SLC5A10: variants seen among roughly 807,000 people sequenced by gnomAD.
SLC5A10 encodes sodium/mannose cotransporter SLC5A10.
SLC5A10 carries 55 observed loss-of-function variants against 68.9 expected under a neutral mutation model. The observed-to-expected ratio is 0.80, with a 90% CI of 0.64 to 1.00. The LOEUF (loss-of-function observed/expected upper bound fraction) is 1.00, where lower values mean the gene tolerates loss of function less well. Ranked by LOEUF, SLC5A10 falls within the 50% of genes least tolerant of loss-of-function variation. The probability of loss-of-function intolerance (pLI) is 0.00; values close to 1 mark genes in which losing one functional copy is unlikely to be tolerated. For synonymous variants in SLC5A10, 344 were observed against 344.8 expected (o/e 1.00, Z 0.02); for missense variants, 732 against 819.3 (o/e 0.89, Z 1.30).
At chr17:19,011,216 T>G (rs2152150605) in intron 9 of SLC5A10, among the ~76,000 whole-genome samples, 1 of 152,324 alleles carries the variant, frequency 6.6e-6, no homozygotes, top group Middle Eastern at 3.4e-3. Flanking sequence ...AAGCTGCTAC[T>G]GCCTTGGGGG....
chr17:18,988,336 C>A, intron 9 of SLC5A10: 1 of 1,614,242 alleles, frequency 6.2e-7, no homozygotes. Context: ...TACACGGCCA[C>A]TTTCCTCTTG....
Position 19,006,086 on chromosome 17 carries a change from C to G in SLC5A10, c.983-7324C>G, listed in dbSNP as rs139243673. On this transcript the variant is annotated intron_variant, in intron 9 of 14. Coordinates refer to ENST00000395645, the MANE Select transcript of SLC5A10 (RefSeq NM_001042450.4). Reference sequence around the variant, plus strand: ...GGCCTCACTCCCACCTCCACCACCCCAACACTTCTGCAGTTGATGAGCAGG... The same window carrying G: ...GGCCTCACTCCCACCTCCACCACCCGAACACTTCTGCAGTTGATGAGCAGG... Among the ~76,000 whole-genome samples, 848 of 152,300 alleles carry G rather than the reference C, an allele frequency of 5.6e-3. 27 individuals carry two copies. Among genetic ancestry groups the G allele is most frequent in the Admixed American group, 0.045 (689 of 15,294 alleles).
upstream of SLC5A10, among the ~76,000 whole-genome samples, chr17:18,951,261 G>A (rs114032873): frequency 4.5e-3 from 684 of 152,358 alleles, 7 homozygotes; most frequent in African/African-American, 0.016. Flanking sequence ...CCACTCTGAT[G>A]GAATCCAGAT....
chr17:18,965,080 GT>G (rs11305580), intron 5 of SLC5A10, among the ~76,000 whole-genome samples: 76,707 of 144,042 alleles, frequency 0.53, 20,155 homozygotes, highest in African/African-American at 0.58. Context: ...GGAGGCAGAG[GT>G]TTTTTTAAAA....
chr17:18,977,565 T>A, intron 9 of SLC5A10: 1 of 1,601,178 alleles, frequency 6.2e-7, no homozygotes, highest in Non-Finnish European at 8.5e-7. Context: ...ACCCCTGGTG[T>A]GCAGGGACCC....
intron 5 of SLC5A10, among the ~76,000 whole-genome samples, chr17:18,964,356 TG>T (rs2042670137): frequency 6.6e-6 from 1 of 152,160 alleles, no homozygotes; most frequent in Non-Finnish European, 1.5e-5. Context: ...ACTCTGCCCC[TG>T]GGGCCCGAAA....
chr17:18,993,344 G>T (rs1248003738), intron 9 of SLC5A10, among the ~76,000 whole-genome samples: 1 of 152,150 alleles, frequency 6.6e-6, no homozygotes, highest in Non-Finnish European at 1.5e-5. Context: ...CGTCACTCTG[G>T]CCTGTCTGGG....
chr17:19,009,317 G>A (rs576465612), intron 9 of SLC5A10, among the ~76,000 whole-genome samples: 163 of 152,156 alleles, frequency 1.1e-3, no homozygotes, highest in Admixed American at 4.0e-3. Flanking sequence ...TCAGCCTCCC[G>A]AATAGCTGAG....
rs2043829966 is a variant in SLC5A10 at position 19,004,641 on chromosome 17, A to G, written c.983-8769A>G. 6.6e-6 allele frequency: 1 copy of G among 150,672 alleles called. No homozygotes were observed. Among genetic ancestry groups the G allele is most frequent in the African/African-American group, 2.4e-5 (1 of 41,130 alleles). 9.3% of individuals were successfully genotyped at this position (150,672 alleles called of 1,614,324 possible). A position where few individuals can be genotyped will look rare whatever the true frequency, so the allele number is the denominator to read the frequency against. ...TGGGAGGGGTCCAGGAGACCCAGAA[A>G]CGCGGTTGCGGGGCGGCGACGCCCC... On this transcript the variant is annotated intron_variant, in intron 9 of 14. Transcript: ENST00000395645. This position sits in a 1 kb window ranked among gnomAD's most constrained non-coding sequence, Gnocchi z 5.4.
rs895169366 is a variant in SLC5A10, at chr17:19,004,188, G to A, written c.983-9222G>A. Reference sequence around the variant, plus strand: ...GAGCAATCTGCGGGAAAGACCTGATGAGCCCGGCTCGGCGGGGAGGGCGGG... The same window carrying A: ...GAGCAATCTGCGGGAAAGACCTGATAAGCCCGGCTCGGCGGGGAGGGCGGG... On this transcript the variant is annotated intron_variant, in intron 9 of 14. Coordinates refer to ENST00000395645, the MANE Select transcript of SLC5A10 (RefSeq NM_001042450.4). This position sits in a 1 kb window ranked among gnomAD's most constrained non-coding sequence, Gnocchi z 5.4. 7.4e-6 allele frequency: 5 copies of A among 675,790 alleles called. No individual in the cohort carries two copies. Among genetic ancestry groups the A allele is most frequent in the Non-Finnish European group, 1.1e-5 (5 of 445,126 alleles). The allele number at this position is 675,790 out of a possible 1,614,324, so 41.9% of individuals were successfully genotyped here. A position where few individuals can be genotyped will look rare whatever the true frequency, so the allele number is the denominator to read the frequency against.
At chr17:18,972,722 C>G (rs1482306982) in intron 8 of SLC5A10, among the ~76,000 whole-genome samples, 1 of 152,080 alleles carries the variant, frequency 6.6e-6, no homozygotes, top group Non-Finnish European at 1.5e-5. Flanking sequence ...ATTAGCTGGG[C>G]ACGGTGGCAG....
intron 1 of SLC5A10, among the ~76,000 whole-genome samples, chr17:18,955,354 C>T (rs1352884828): frequency 1.3e-5 from 2 of 152,186 alleles, no homozygotes; most frequent in Non-Finnish European, 1.5e-5. Flanking sequence ...GTTTTCATCT[C>T]TGAGACCATC....
upstream of SLC5A10, among the ~76,000 whole-genome samples, chr17:18,951,086 C>A (rs929552467): frequency 6.6e-6 from 1 of 152,336 alleles, no homozygotes; most frequent in East Asian, 1.9e-4. Context: ...TGCAGGCCAG[C>A]GTGTTCCTGG....
chr17:19,014,850 G>C (rs1567814042), intron 10 of SLC5A10, among the ~76,000 whole-genome samples, 199 bp from the exon 11 acceptor site: 1 of 152,128 alleles, frequency 6.6e-6, no homozygotes, highest in African/African-American at 2.4e-5. Flanking sequence ...AGTCCCCACG[G>C]TTTGTCCTTG....
At chr17:18,993,088 G>C (rs529639476) in intron 9 of SLC5A10, among the ~76,000 whole-genome samples, 1 of 152,184 alleles carries the variant, frequency 6.6e-6, no homozygotes, top group Non-Finnish European at 1.5e-5. Context: ...GCCTGGTTCC[G>C]AGCATGGTGG....
rs1597895029 is a variant in SLC5A10, at chr17:19,003,470, G to T, written c.983-9940G>T. The T allele has an allele frequency of 6.7e-7, 1 of 1,498,816 alleles. No individual in the cohort carries two copies. Among genetic ancestry groups the T allele is most frequent in the African/African-American group, 1.4e-5 (1 of 70,990 alleles). The allele number at this position is 1,498,816 out of a possible 1,614,324, so 92.8% of individuals were successfully genotyped here. On this transcript the variant is annotated intron_variant, in intron 9 of 14. Transcript: ENST00000395645. The surrounding 1 kb of genome is among the most constrained non-coding windows in gnomAD (Gnocchi z 4.5). ...TCTGAGTGAGCCTGTATTGAGAGGG[G>T]TCCGGTGGCTGGTTGGGCCATGGCT...
Position 18,976,951 on chromosome 17 carries a change from T to C in SLC5A10, c.944T>C (p.Ile315Thr). Residue 315 changes from isoleucine to threonine, a missense_variant, in exon 9 of 15, where the codon ATC becomes ACC. Physicochemically the swap from Ile to Thr is moderately conservative, Grantham distance 89. Coordinates refer to ENST00000395645, the MANE Select transcript of SLC5A10 (RefSeq NM_001042450.4). ...SYLKMLPMGL[I>T]IMPGMISRAL... Reference sequence around the variant, plus strand: ...CTCAAGATGCTCCCCATGGGCCTGATCATCATGCCGGGCATGATCAGCCGC... The same window carrying C: ...CTCAAGATGCTCCCCATGGGCCTGACCATCATGCCGGGCATGATCAGCCGC... 1.2e-6 allele frequency: 2 copies of C among 1,613,236 alleles called. No homozygotes were observed. Among genetic ancestry groups the C allele is most frequent in the African/African-American group, 1.3e-5 (1 of 74,984 alleles).
At chr17:18,958,137 C>A (rs1314890598) in intron 1 of SLC5A10, among the ~76,000 whole-genome samples, 1 of 152,230 alleles carries the variant, frequency 6.6e-6, no homozygotes, top group Non-Finnish European at 1.5e-5. Context: ...GTGGCACAAT[C>A]ACCGCTCACT....
chr17:19,004,929 C>G lies in SLC5A10; in HGVS notation c.983-8481C>G, dbSNP rs1461258945. On this transcript the variant is annotated intron_variant, in intron 9 of 14. Coordinates refer to ENST00000395645, the MANE Select transcript of SLC5A10 (RefSeq NM_001042450.4). The surrounding 1 kb of genome is among the most constrained non-coding windows in gnomAD (Gnocchi z 5.4). ...CCACGGTCCCCTGGTGCCCGAATTC[C>G]GAAAATATCAGAGGCCTAAGCCCAA... The G allele has an allele frequency of 1.3e-5, 2 of 152,306 alleles. No individual in the cohort carries two copies. Among genetic ancestry groups the G allele is most frequent in the South Asian group, 2.1e-4 (1 of 4,828 alleles). 9.4% of individuals were successfully genotyped at this position (152,306 alleles called of 1,614,324 possible).
Sources: gnomAD v4.1 joint callset for allele counts (sites outside exome capture counted in the v4.1 genomes callset) on GRCh38, gnomAD v4.1.1 for gene constraint, Gnocchi (gnomAD v3.1) non-coding constraint, MANE v1.5 for transcripts, NCBI Gene and HGNC (gene_info 2026-07-23, HGNC 2026-07-21) for gene names.